TEX11: variants seen among roughly 807,000 people sequenced by gnomAD.
TEX11 encodes testis expressed 11.
A neutral mutation model predicts 84.4 loss-of-function variants in TEX11; 7 were observed. The observed-to-expected ratio is 0.08, with a 90% confidence interval of 0.05 to 0.16. The LOEUF (loss-of-function observed/expected upper bound fraction) is 0.16, where lower values mean the gene tolerates loss of function less well. Ranked by LOEUF, TEX11 falls within the 10% of genes least tolerant of loss-of-function variation. The pLI is 1.00. For synonymous variants in TEX11, 264 were observed against 222.8 expected, an observed-to-expected ratio of 1.18 and a Z score of -1.64; for missense variants, 551 against 660.5, an observed-to-expected ratio of 0.83 and a Z score of 1.82.
intron 11 of TEX11, among the ~76,000 whole-genome samples, chrX:70,733,404 C>G (rs2090670280): frequency 8.9e-6 from 1 of 111,755 alleles, no homozygotes; most frequent in Non-Finnish European, 1.9e-5. Flanking sequence ...ATCTACTCAT[C>G]TGACAAAGGG....
chrX:70,603,799 C>T (rs1462166588), intron 24 of TEX11, among the ~76,000 whole-genome samples: 1 of 110,435 alleles, frequency 9.1e-6, no homozygotes, highest in East Asian at 2.8e-4. Context: ...TCGCAACCTA[C>T]TCATCTGACA....
intron 2 of TEX11, among the ~76,000 whole-genome samples, chrX:70,893,273 T>C (rs2091748818): frequency 8.9e-6 from 1 of 111,757 alleles, no homozygotes; most frequent in Non-Finnish European, 1.9e-5. Flanking sequence ...ACATAGCACT[T>C]ATTCTAAAAT....
the TEX11 span, among the ~76,000 whole-genome samples, chrX:70,522,637 G>A: frequency 3.6e-5 from 4 of 110,783 alleles, no homozygotes; most frequent in East Asian, 8.5e-4. Flanking sequence ...GGGTTCAAGC[G>A]ATTCTCCTGC....
intron 4 of TEX11, among the ~76,000 whole-genome samples, chrX:70,871,996 A>AAAAAAG (rs1484390970): frequency 6.5e-5 from 7 of 107,310 alleles, no homozygotes; most frequent in African/African-American, 2.5e-4. Context: ...CCTTAAAAAA[A>AAAAAAG]AAAAAGAAAA....
chrX:70,777,317 G>C (rs1337744076), intron 9 of TEX11, among the ~76,000 whole-genome samples: 1 of 111,947 alleles, frequency 8.9e-6, no homozygotes, highest in African/African-American at 3.2e-5. Flanking sequence ...AAAATGTGGA[G>C]CTTTTTATGT....
chrX:70,656,888 AC>A (rs1475102555), intron 16 of TEX11, among the ~76,000 whole-genome samples: 1 of 111,780 alleles, frequency 8.9e-6, no homozygotes, highest in Non-Finnish European at 1.9e-5. Context: ...GGCCCTATGA[AC>A]CCTTAAAGCT....
In TEX11 at chrX:70,672,711, G is replaced by C. The variant is rs993847022; in HGVS notation, c.1243-2197C>G. On this transcript the variant is annotated intron_variant, in intron 15 of 29. Coordinates refer to ENST00000374333, the MANE Select transcript of TEX11 (RefSeq NM_031276.3). ...TGTTTTTCTTTGTACATTGAGTTTA[G>C]AGAGTTCTTTCTATGTTTTAGCTAC... 1.2e-4 allele frequency among the ~76,000 whole-genome samples: 13 copies of C among 111,814 alleles called. No individual in the cohort carries two copies. In the Admixed American group the frequency reaches 1.2e-3, roughly 11 times the overall value.
At chrX:70,868,959 G>A (rs1257882578) in intron 4 of TEX11, among the ~76,000 whole-genome samples, 1 of 107,597 alleles carries the variant, frequency 9.3e-6, no homozygotes, top group Non-Finnish European at 1.9e-5. Context: ...AGGTTGATAG[G>A]TGCAGCAAAT....
At chrX:70,838,864 C>T (rs1490143962) in intron 7 of TEX11, among the ~76,000 whole-genome samples, 2 of 112,590 alleles carry the variant, frequency 1.8e-5, no homozygotes, top group Non-Finnish European at 3.8e-5. Flanking sequence ...GAGGGTCCTA[C>T]ACCCATGGAG....
intron 24 of TEX11, among the ~76,000 whole-genome samples, chrX:70,595,805 T>C (rs1273009047): frequency 9.0e-6 from 1 of 111,677 alleles, no homozygotes; most frequent in Non-Finnish European, 1.9e-5. Flanking sequence ...ACATTAAATG[T>C]GAGTGCATTA....
chrX:70,750,926 AAAAAAAAATATATATATATATATATAT>A (rs1257533969), intron 9 of TEX11, among the ~76,000 whole-genome samples: 2 of 36,644 alleles, frequency 5.5e-5, no homozygotes, highest in African/African-American at 2.5e-4. Context: ...TATAATAAAA[AAAAAAAAATATATATATATATATATAT>A]ATATATATAT....
At chrX:70,805,214 G>T (rs2091211648) in intron 9 of TEX11, among the ~76,000 whole-genome samples, 2 of 109,985 alleles carry the variant, frequency 1.8e-5, no homozygotes, top group South Asian at 3.9e-4. Context: ...TGATAGATAT[G>T]TCTGAGTATT....
chrX:70,739,135 T>C lies in TEX11; in HGVS notation c.843+1566A>G, dbSNP rs562849107. On this transcript the variant is annotated intron_variant, in intron 11 of 29. Coordinates refer to ENST00000374333, the MANE Select transcript of TEX11 (RefSeq NM_031276.3). The stretch of plus-strand genomic sequence containing the variant: ...AAGTAAAATTTAAAAAAAGAAAATA[T>C]TCCTGTCTATAAATATTTCTACATT... Among the ~76,000 whole-genome samples the C allele has an allele frequency of 2.7e-5, 3 of 111,611 alleles. No individual in the cohort carries two copies. The South Asian group carries it at 1.1e-3, about 42-fold the overall frequency.
At chrX:70,563,987 G>C (rs1233875537) in intron 25 of TEX11, among the ~76,000 whole-genome samples, 1 of 112,236 alleles carries the variant, frequency 8.9e-6, no homozygotes, top group Non-Finnish European at 1.9e-5. Context: ...CCAGCACTTT[G>C]GGAGGCCGAG....
chrX:70,536,702 A>G (rs1247471200), intron 28 of TEX11, among the ~76,000 whole-genome samples: 1 of 112,483 alleles, frequency 8.9e-6, no homozygotes. Context: ...CACTAATGCC[A>G]TACTTTTAAA....
chrX:70,833,138 C>T (rs770030542), intron 8 of TEX11, among the ~76,000 whole-genome samples: 5 of 108,728 alleles, frequency 4.6e-5, no homozygotes, highest in East Asian at 2.9e-4. Flanking sequence ...GGTGTGGTGG[C>T]GCAGGCCTGT....
intron 28 of TEX11, among the ~76,000 whole-genome samples, chrX:70,544,836 C>CAAAAAA (rs140403649): frequency 7.6e-5 from 2 of 26,385 alleles, no homozygotes; most frequent in African/African-American, 1.1e-4. Flanking sequence ...GACTCCATCT[C>CAAAAAA]AAAAAAAAAA....
intron 7 of TEX11, among the ~76,000 whole-genome samples, chrX:70,851,185 T>C (rs747830538): frequency 8.9e-6 from 1 of 112,072 alleles, no homozygotes; most frequent in African/African-American, 3.2e-5. Flanking sequence ...ATTCCCAATT[T>C]TGAAACTTAC....
chrX:70,617,086 C>A (rs1463650249), intron 20 of TEX11, among the ~76,000 whole-genome samples: 2 of 110,699 alleles, frequency 1.8e-5, no homozygotes, highest in African/African-American at 6.6e-5. Flanking sequence ...GTGATTATTA[C>A]ACATTGTATG....
Sources: allele counts gnomAD v4.1 joint callset (sites outside exome capture counted in the v4.1 genomes callset), GRCh38; gene constraint gnomAD v4.1.1; transcripts MANE v1.5; gene names NCBI Gene and HGNC (gene_info 2026-07-23, HGNC 2026-07-21).